Variants in GRIN2A observed in about 807,000 individuals in gnomAD.
The protein encoded by GRIN2A is glutamate ionotropic receptor NMDA type subunit 2A, also known as glutamate receptor ionotropic, NMDA 2A.
In GRIN2A, 22 loss-of-function variants were observed where a neutral mutation model predicts 113.4. The observed-to-expected ratio is 0.19, with a 90% CI of 0.14 to 0.28. The LOEUF (loss-of-function observed/expected upper bound fraction) is 0.28, where lower values mean the gene tolerates loss of function less well. Among genes scored for constraint, GRIN2A ranks in the 10% least tolerant of loss-of-function variants. The pLI, the probability that GRIN2A is intolerant of heterozygous loss-of-function variation, is 1.00. For missense variants in GRIN2A, 1,502 were observed against 1,887.0 expected (o/e 0.80, Z 3.78); for synonymous variants, 827 against 738.4 (o/e 1.12, Z -1.94).
At chr16:9,878,769 C>G (rs72783910) in intron 4 of GRIN2A, among the ~76,000 whole-genome samples, 1 of 152,016 alleles carries the variant, frequency 6.6e-6, no homozygotes, top group South Asian at 2.1e-4. Flanking sequence ...AGCGCCTGTT[C>G]AACTGCTGTT....
Position 9,758,649 on chromosome 16 carries a change from TGTATTCA to T in GRIN2A, c.*4493_*4499del. On this transcript the variant is annotated 3_prime_UTR_variant, in exon 13 of 13. Coordinates refer to ENST00000330684, the MANE Select transcript of GRIN2A (RefSeq NM_001134407.3). ...TTATATACATGTGTACACAAGCAGT[TGTATTCA>T]CAGGATAAGTGCATTTGATCATCTC... 4.7e-6 allele frequency: 1 copy of T among 214,184 alleles called. No homozygotes were observed. The allele number at this position is 214,184 out of a possible 1,614,324, so 13.3% of individuals were successfully genotyped here.
chr16:10,178,597 T>C (rs2050197421), intron 2 of GRIN2A, among the ~76,000 whole-genome samples: 1 of 152,166 alleles, frequency 6.6e-6, no homozygotes, highest in South Asian at 2.1e-4. Context: ...ACTGGGAAAA[T>C]GCTCAGCTAC....
At chr16:10,130,681 T>C (rs1488714476) in intron 2 of GRIN2A, among the ~76,000 whole-genome samples, 2 of 152,226 alleles carry the variant, frequency 1.3e-5, no homozygotes, top group East Asian at 3.8e-4. Flanking sequence ...TTCAACAATG[T>C]TGAGTAACAG....
chr16:9,871,961 G>C (rs1052938088), intron 4 of GRIN2A, among the ~76,000 whole-genome samples: 5 of 152,156 alleles, frequency 3.3e-5, no homozygotes. Context: ...TCAGAATACG[G>C]TTCAGGTTAG....
chr16:9,943,806 T>C (rs1487002483), intron 2 of GRIN2A, among the ~76,000 whole-genome samples: 1 of 152,208 alleles, frequency 6.6e-6, no homozygotes, highest in African/African-American at 2.4e-5. Flanking sequence ...TGAAGAGTTA[T>C]CAAAGAATAA....
chr16:10,050,051 G>C (rs2047331357), intron 2 of GRIN2A, among the ~76,000 whole-genome samples: 1 of 152,214 alleles, frequency 6.6e-6, no homozygotes, highest in South Asian at 2.1e-4. Flanking sequence ...CTGTGAATAT[G>C]TTAACTTACA....
intron 3 of GRIN2A, chr16:9,937,671 G>C (rs1422336292): frequency 2.2e-6 from 1 of 444,754 alleles, no homozygotes; most frequent in African/African-American, 2.0e-5. Flanking sequence ...ATACACTTGA[G>C]ATACAGCCAT....
chr16:10,103,965 T>G (rs1368708609), intron 2 of GRIN2A, among the ~76,000 whole-genome samples: 2 of 152,198 alleles, frequency 1.3e-5, no homozygotes, highest in African/African-American at 4.8e-5. Context: ...AGGAACCACT[T>G]CCAGCAGCCT....
In GRIN2A at chr16:9,907,892, A is replaced by G. The variant is rs149451280; in HGVS notation, c.1008-16792T>C. ...CTTTGCTGGAGGGTAAGCTCCCGGG[A>G]AACAGGGATCATGTCTGAGCCCTCG... is the stretch of plus-strand genomic sequence containing the variant. On this transcript the variant is annotated intron_variant, in intron 3 of 12. Transcript: ENST00000330684. Among the ~76,000 whole-genome samples the G allele has an allele frequency of 4.9e-3, 748 of 152,298 alleles. 4 individuals are homozygous for G. Among genetic ancestry groups the G allele is most frequent in the African/African-American group, 0.017 (711 of 41,562 alleles).
intron 2 of GRIN2A, among the ~76,000 whole-genome samples, chr16:9,997,972 T>G (rs183709276): frequency 1.4e-3 from 208 of 152,344 alleles, no homozygotes; most frequent in Non-Finnish European, 2.4e-3. Flanking sequence ...TCTTGGGTAT[T>G]TCTTCATAGC....
At chr16:10,062,128 G>A (rs1596471164) in intron 2 of GRIN2A, among the ~76,000 whole-genome samples, 1 of 152,166 alleles carries the variant, frequency 6.6e-6, no homozygotes, top group Admixed American at 6.5e-5. Context: ...GGTACTTGCT[G>A]ACTTCTCCAC....
At chr16:9,844,051 G>A (rs1178059845) in intron 5 of GRIN2A, among the ~76,000 whole-genome samples, 2 of 152,036 alleles carry the variant, frequency 1.3e-5, no homozygotes, top group Non-Finnish European at 2.9e-5. Flanking sequence ...CTGTTCATTT[G>A]TATCACCTTC....
chr16:10,046,673 C>T (rs1262580190), intron 2 of GRIN2A, among the ~76,000 whole-genome samples: 2 of 152,260 alleles, frequency 1.3e-5, no homozygotes, highest in East Asian at 1.9e-4. Flanking sequence ...TCTTAATTTC[C>T]TTCATTTCTT....
chr16:9,850,642 TG>T (rs1232484437), intron 4 of GRIN2A, among the ~76,000 whole-genome samples: 1 of 152,076 alleles, frequency 6.6e-6, no homozygotes, highest in African/African-American at 2.4e-5. Flanking sequence ...ATGGAGCAGG[TG>T]GGGAAATTAA....
At position 9,928,469 on chromosome 16, in the gene GRIN2A, G is replaced by C. The variant is rs979197595; in HGVS notation, c.1007+9490C>G. Among the ~76,000 whole-genome samples the C allele has an allele frequency of 2.6e-5, 4 of 152,160 alleles. No individual in the cohort carries two copies. In the South Asian group the frequency reaches 6.3e-4, roughly 24 times the overall value. On this transcript the variant is annotated intron_variant, in intron 3 of 12. Coordinates refer to ENST00000330684, the MANE Select transcript of GRIN2A (RefSeq NM_001134407.3). Reference sequence around the variant, plus strand: ...AAAGGATTTTTAACTTTGTCTTTTTGTACAATATCAGATGTTGCCCAAATC... The same window carrying C: ...AAAGGATTTTTAACTTTGTCTTTTTCTACAATATCAGATGTTGCCCAAATC...
At chr16:9,809,247 C>CCAT (rs2042039604) in intron 10 of GRIN2A, among the ~76,000 whole-genome samples, 1 of 152,046 alleles carries the variant, frequency 6.6e-6, no homozygotes, top group South Asian at 2.1e-4. Context: ...TGGTGAAACC[C>CCAT]CATCTCTATT....
chr16:9,818,580 A>C (rs2042226976), intron 10 of GRIN2A, among the ~76,000 whole-genome samples: 1 of 152,144 alleles, frequency 6.6e-6, no homozygotes, highest in African/African-American at 2.4e-5. Context: ...TCCAATATAT[A>C]AATTAATAAG....
chr16:10,100,566 T>A (rs1281365436), intron 2 of GRIN2A, among the ~76,000 whole-genome samples: 1 of 152,236 alleles, frequency 6.6e-6, no homozygotes, highest in Non-Finnish European at 1.5e-5. Flanking sequence ...TGGCACATCC[T>A]GATGATTCAA....
chr16:9,958,853 G>A (rs1178259763), intron 2 of GRIN2A, among the ~76,000 whole-genome samples: 1 of 152,118 alleles, frequency 6.6e-6, no homozygotes, highest in Non-Finnish European at 1.5e-5. Flanking sequence ...TACAAGCATG[G>A]GCTTGTTCAC....
Sources: allele counts gnomAD v4.1 joint callset (sites outside exome capture counted in the v4.1 genomes callset), GRCh38; gene constraint gnomAD v4.1.1; transcripts MANE v1.5; gene names NCBI Gene and HGNC (gene_info 2026-07-23, HGNC 2026-07-21).